KHDRBS2: variants seen among roughly 807,000 people sequenced by gnomAD.
KHDRBS2 encodes the protein KH RNA binding domain containing, signal transduction associated 2.
A neutral mutation model predicts 44.3 loss-of-function variants in KHDRBS2; 26 were observed. The ratio of observed to expected loss-of-function variants is 0.59; its 90% CI spans 0.43 to 0.81. The LOEUF (loss-of-function observed/expected upper bound fraction) is 0.81, where lower values mean the gene tolerates loss of function less well. KHDRBS2 is among the 40% of genes least tolerant of loss of function. The probability of loss-of-function intolerance (pLI) is 0.00; values close to 1 mark genes in which losing one functional copy is unlikely to be tolerated. For synonymous variants in KHDRBS2, 194 were observed against 151.1 expected (o/e 1.28, Z -2.08); for missense variants, 476 against 433.1 (o/e 1.10, Z -0.88).
chr6:61,544,220 A>G, the KHDRBS2 span, among the ~76,000 whole-genome samples: 2 of 152,118 alleles, frequency 1.3e-5, no homozygotes, highest in African/African-American at 4.8e-5. Context: ...CATGTTCTCC[A>G]TAAACATATA....
chr6:62,088,349 G>C (rs1207540506), intron 2 of KHDRBS2, among the ~76,000 whole-genome samples: 1 of 152,058 alleles, frequency 6.6e-6, no homozygotes, highest in Non-Finnish European at 1.5e-5. Context: ...TCCACCTTTT[G>C]TCTTTGCTGT....
At chr6:62,061,687 C>G (rs1042622705) in intron 2 of KHDRBS2, among the ~76,000 whole-genome samples, 1 of 150,994 alleles carries the variant, frequency 6.6e-6, no homozygotes, top group African/African-American at 2.4e-5. Context: ...TCTTTGTGGC[C>G]TTCTCTGTAT....
chr6:61,654,239 G>T, the KHDRBS2 span, among the ~76,000 whole-genome samples: 26 of 152,044 alleles, frequency 1.7e-4, no homozygotes, highest in African/African-American at 6.3e-4. Flanking sequence ...TGAGGGATGT[G>T]GCCTGAAGAA....
At chr6:61,760,123 T>G (rs1403742022) in intron 6 of KHDRBS2, among the ~76,000 whole-genome samples, 1 of 152,214 alleles carries the variant, frequency 6.6e-6, no homozygotes, top group African/African-American at 2.4e-5. Context: ...TGTATTATTT[T>G]TAAGGGGTAA....
intron 2 of KHDRBS2, among the ~76,000 whole-genome samples, chr6:62,147,711 C>A (rs1814241488): frequency 6.6e-6 from 1 of 151,948 alleles, no homozygotes; most frequent in Non-Finnish European, 1.5e-5. Flanking sequence ...TGAATGTAAT[C>A]ATTAAACCAC....
At chr6:62,221,130 A>C (rs2150152315) in intron 1 of KHDRBS2, among the ~76,000 whole-genome samples, 1 of 149,500 alleles carries the variant, frequency 6.7e-6, no homozygotes, top group South Asian at 2.1e-4. Context: ...AGCCATACCA[A>C]AAAAAAAAAG....
At chr6:61,944,373 GTTA>G (rs1165688031) in intron 4 of KHDRBS2, among the ~76,000 whole-genome samples, 1 of 151,848 alleles carries the variant, frequency 6.6e-6, no homozygotes, top group Non-Finnish European at 1.5e-5. Context: ...TGAACTGAAA[GTTA>G]TTATGTTAAG....
Position 61,901,312 on chromosome 6 carries a change from T to C in KHDRBS2, c.543A>G (p.Ser181=). Residue 181 remains serine (S), a synonymous_variant, in exon 5 of 9, where the codon TCA becomes TCG. Coordinates refer to ENST00000281156, the MANE Select transcript of KHDRBS2 (RefSeq NM_152688.4). The stretch of plus-strand genomic sequence containing the variant: ...TACCTCTGCCACGACCAGAGTCCTC[T>C]GAGCCATTTAAGTAAGATAATTCAC... ...QLRELSYLNG[S]EDSGRGRGIR... 6.2e-7 allele frequency: 1 copy of C among 1,613,428 alleles called. No homozygotes were observed. Among genetic ancestry groups the C allele is most frequent in the Non-Finnish European group, 8.5e-7 (1 of 1,179,434 alleles).
chr6:61,623,324 A>G, the KHDRBS2 span, among the ~76,000 whole-genome samples: 1 of 152,154 alleles, frequency 6.6e-6, no homozygotes, highest in African/African-American at 2.4e-5. Flanking sequence ...CAAATCCTAC[A>G]GTGTTGGAAA....
At chr6:61,718,245 A>C (rs1159247450) in intron 7 of KHDRBS2, among the ~76,000 whole-genome samples, 2 of 152,052 alleles carry the variant, frequency 1.3e-5, no homozygotes, top group East Asian at 1.9e-4. Context: ...GGAGCTAAGA[A>C]GTTTGTGCGA....
chr6:62,199,985 A>C (rs950315961), intron 1 of KHDRBS2, among the ~76,000 whole-genome samples: 1 of 152,204 alleles, frequency 6.6e-6, no homozygotes, highest in Non-Finnish European at 1.5e-5. Context: ...GAAATGGAGA[A>C]AGGATTCCCT....
At chr6:61,785,800 A>T (rs777761032) in intron 6 of KHDRBS2, among the ~76,000 whole-genome samples, 6 of 152,148 alleles carry the variant, frequency 3.9e-5, no homozygotes, top group Non-Finnish European at 8.8e-5. Flanking sequence ...AGAGAAAACA[A>T]AAGTATATAC....
At chr6:61,647,538 A>C in the KHDRBS2 span, among the ~76,000 whole-genome samples, 1 of 152,138 alleles carries the variant, frequency 6.6e-6, no homozygotes, top group Non-Finnish European at 1.5e-5. Context: ...GTTGTGATGC[A>C]CAGGATTAAA....
chr6:61,558,895 C>T, the KHDRBS2 span, among the ~76,000 whole-genome samples: 2 of 152,110 alleles, frequency 1.3e-5, no homozygotes, highest in Non-Finnish European at 2.9e-5. Flanking sequence ...TGTTCTGCAG[C>T]CATTGGTTGA....
chr6:62,147,988 T>G (rs1204889444), intron 2 of KHDRBS2, among the ~76,000 whole-genome samples: 3 of 152,066 alleles, frequency 2.0e-5, no homozygotes, highest in Non-Finnish European at 4.4e-5. Flanking sequence ...GAAAAAATGT[T>G]AAATATTCTG....
intron 6 of KHDRBS2, among the ~76,000 whole-genome samples, chr6:61,768,091 G>T (rs1780271249): frequency 6.6e-6 from 1 of 152,050 alleles, no homozygotes; most frequent in Non-Finnish European, 1.5e-5. Context: ...CTTGTTTGAA[G>T]CATATTTTTA....
At chr6:61,773,697 T>A (rs1403872140) in intron 6 of KHDRBS2, among the ~76,000 whole-genome samples, 1 of 151,826 alleles carries the variant, frequency 6.6e-6, no homozygotes, top group Non-Finnish European at 1.5e-5. Flanking sequence ...CTTTTGGTGT[T>A]GTAGACATGA....
chr6:62,055,648 AATG>A (rs1379561704), intron 2 of KHDRBS2, among the ~76,000 whole-genome samples: 1 of 152,152 alleles, frequency 6.6e-6, no homozygotes, highest in Non-Finnish European at 1.5e-5. Context: ...AGTGGGGAAA[AATG>A]ATGATAAATT....
intron 2 of KHDRBS2, among the ~76,000 whole-genome samples, chr6:62,131,948 C>A (rs1810430734): frequency 6.6e-6 from 1 of 152,164 alleles, no homozygotes; most frequent in Admixed American, 6.5e-5. Flanking sequence ...ATTCAAAATG[C>A]ATTGAGGATA....
Sources: allele counts gnomAD v4.1 joint callset (sites outside exome capture counted in the v4.1 genomes callset), GRCh38; gene constraint gnomAD v4.1.1; transcripts MANE v1.5; gene names NCBI Gene and HGNC (gene_info 2026-07-23, HGNC 2026-07-21).